ITPK1: variants seen among roughly 807,000 people sequenced by gnomAD.
ITPK1 encodes the protein inositol 1,3,4-trisphosphate 5/6-kinase.
ITPK1 carries 21 observed loss-of-function variants against 45.3 expected under a neutral mutation model. The ratio of observed to expected loss-of-function variants is 0.46; its 90% CI spans 0.33 to 0.67. The LOEUF (loss-of-function observed/expected upper bound fraction) is 0.67. Among genes scored for constraint, ITPK1 ranks in the 30% least tolerant of loss-of-function variants. The pLI is 0.02. For synonymous variants in ITPK1, 258 were observed against 253.6 expected, an observed-to-expected ratio of 1.02 and a Z score of -0.16; for missense variants, 474 against 573.5, an observed-to-expected ratio of 0.83 and a Z score of 1.77.
At position 92,971,459 on chromosome 14, in the gene ITPK1, C is replaced by T. The variant is rs867759383; in HGVS notation, c.365-8610G>A. Among the ~76,000 whole-genome samples, 9 of 152,362 alleles carry T rather than the reference C, an allele frequency of 5.9e-5. No homozygotes were observed. In the South Asian group the frequency reaches 1.7e-3, roughly 28 times the overall value. ...GCATCCAGCAGATGCTGAGGATGGG[C>T]CTCATGTTTAAACCCTGGCACTAGC... On this transcript the variant is annotated intron_variant, in intron 5 of 10. Coordinates refer to ENST00000267615, the MANE Select transcript of ITPK1 (RefSeq NM_014216.6).
chr14:92,979,976 T>C (rs1247744552), intron 5 of ITPK1, among the ~76,000 whole-genome samples: 1 of 152,106 alleles, frequency 6.6e-6, no homozygotes, highest in Non-Finnish European at 1.5e-5. Context: ...AGACGGGGTT[T>C]TCCCATGTTG....
intron 2 of ITPK1, among the ~76,000 whole-genome samples, chr14:93,086,886 A>T (rs985205554): frequency 3.9e-5 from 6 of 152,194 alleles, no homozygotes; most frequent in African/African-American, 1.4e-4. Context: ...ACCTTACTGG[A>T]GTATCTCCCT....
chr14:92,981,906 A>G (rs1886251360), intron 5 of ITPK1, among the ~76,000 whole-genome samples: 1 of 152,222 alleles, frequency 6.6e-6, no homozygotes. Flanking sequence ...CCAAAGTTGG[A>G]GTTAGTCCTG....
At chr14:93,006,963 A>T (rs1209472343) in intron 4 of ITPK1, among the ~76,000 whole-genome samples, 2 of 152,206 alleles carry the variant, frequency 1.3e-5, no homozygotes, top group Non-Finnish European at 2.9e-5. Flanking sequence ...CCCCTGACAA[A>T]TGCCACATGC....
intron 5 of ITPK1, among the ~76,000 whole-genome samples, chr14:92,974,096 G>A (rs1011773481): frequency 1.3e-5 from 2 of 152,126 alleles, no homozygotes; most frequent in African/African-American, 4.8e-5. Flanking sequence ...GTGCCTCCAG[G>A]GTACATCCCT....
chr14:93,019,124 G>A (rs1888340492), intron 3 of ITPK1, among the ~76,000 whole-genome samples: 1 of 152,210 alleles, frequency 6.6e-6, no homozygotes, highest in Admixed American at 6.5e-5. Context: ...ACAGCCTGTG[G>A]CTTCGGTGGG....
At chr14:93,039,948 C>T (rs939915956) in intron 3 of ITPK1, among the ~76,000 whole-genome samples, 9 of 152,204 alleles carry the variant, frequency 5.9e-5, no homozygotes, top group Admixed American at 4.6e-4. Context: ...GAGGGTGTCC[C>T]GCTGTGCAGG....
At position 93,016,523 on chromosome 14, in the gene ITPK1, C is replaced by T. The variant is rs56857003; in HGVS notation, c.246+153G>A. Reference sequence around the variant, plus strand: ...ACTGACGCCGCACAGAAGTACCTGCCCACGAGCCCATGTCTTGCCAGTGGC... The same window carrying T: ...ACTGACGCCGCACAGAAGTACCTGCTCACGAGCCCATGTCTTGCCAGTGGC... On this transcript the variant is annotated intron_variant, in intron 4 of 10. Transcript: ENST00000267615. The surrounding 1 kb of genome is among the most constrained non-coding windows in gnomAD (Gnocchi z 5.0). Among the ~76,000 whole-genome samples the T allele has an allele frequency of 6.6e-6, 1 of 152,048 alleles. No individual in the cohort carries two copies. The highest frequency in any genetic ancestry group is 1.5e-5 in the Non-Finnish European group (1 of 67,980).
In ITPK1 at chr14:92,941,024, C is replaced by T. The variant is rs1376656375; in HGVS notation, c.*537G>A. 8.0e-6 allele frequency: 10 copies of T among 1,248,582 alleles called. No homozygotes were observed. The highest frequency in any genetic ancestry group is 1.3e-5 in the South Asian group (1 of 74,776). 77.3% of individuals were successfully genotyped at this position (1,248,582 alleles called of 1,614,324 possible). ...TGTGGGGAGGGAGGGGTTAGCTGCA[C>T]ACCAGGCAGGGTGGGGGCTAACAAA... On this transcript the variant is annotated 3_prime_UTR_variant, in exon 11 of 11. Transcript: ENST00000267615.
rs376297023 is a variant in ITPK1, at chr14:93,043,366, G to C, written c.121-26565C>G. ...GAGGGCAGGAAATACCAGTGGGAAA[G>C]CCGAAGACAGCACAGTAGAGACTGC... On this transcript the variant is annotated intron_variant, in intron 3 of 10. Transcript: ENST00000267615. Among the ~76,000 whole-genome samples the C allele has an allele frequency of 3.9e-4, 59 of 152,368 alleles. 1 individual carries two copies. In the East Asian group the frequency reaches 9.8e-3, roughly 25 times the overall value.
intron 5 of ITPK1, among the ~76,000 whole-genome samples, chr14:92,979,836 C>T (rs138679741): frequency 0.018 from 2,725 of 150,454 alleles, 72 homozygotes; most frequent in Admixed American, 0.08. Flanking sequence ...TTTTTGGAGA[C>T]AGAGTCTCAC....
chr14:93,005,027 G>A (rs1007585145), intron 4 of ITPK1, among the ~76,000 whole-genome samples: 7 of 152,146 alleles, frequency 4.6e-5, no homozygotes, highest in Non-Finnish European at 8.8e-5. Flanking sequence ...CGGACCAGCT[G>A]AGGAGTTTGG....
chr14:92,973,243 A>T (rs901052111), intron 5 of ITPK1, among the ~76,000 whole-genome samples: 1 of 152,276 alleles, frequency 6.6e-6, no homozygotes, highest in African/African-American at 2.4e-5. Context: ...GGACAGGAGA[A>T]GGCAGGCCTC....
chr14:93,109,018 T>A (rs573262853), intron 2 of ITPK1, among the ~76,000 whole-genome samples: 1 of 152,182 alleles, frequency 6.6e-6, no homozygotes, highest in African/African-American at 2.4e-5. Flanking sequence ...GTCTCACACA[T>A]ACACACAAAA....
chr14:93,049,768 A>C, intron 3 of ITPK1, among the ~76,000 whole-genome samples: 1 of 138,926 alleles, frequency 7.2e-6, no homozygotes, highest in East Asian at 2.6e-4. Flanking sequence ...GGGGGTGGGT[A>C]AGGAAATATC....
chr14:93,094,677 C>T (rs1048351138), intron 2 of ITPK1, among the ~76,000 whole-genome samples: 16 of 152,346 alleles, frequency 1.1e-4, no homozygotes, highest in Admixed American at 6.5e-5. Flanking sequence ...ACCGGCTCCA[C>T]GTTCTTCACC....
chr14:93,046,087 T>C (rs1478411635), intron 3 of ITPK1, among the ~76,000 whole-genome samples: 3 of 152,182 alleles, frequency 2.0e-5, no homozygotes, highest in Admixed American at 2.0e-4. Flanking sequence ...CGCTCTTTTC[T>C]TCTGCAAACC....
chr14:93,081,688 G>A (rs879777347), intron 2 of ITPK1, among the ~76,000 whole-genome samples: 5 of 152,218 alleles, frequency 3.3e-5, no homozygotes, highest in Non-Finnish European at 5.9e-5. Context: ...ACTACAGACC[G>A]GTGCTGAGAA....
At chr14:93,096,894 C>T (rs754951461) in intron 2 of ITPK1, among the ~76,000 whole-genome samples, 4 of 152,226 alleles carry the variant, frequency 2.6e-5, no homozygotes, top group East Asian at 1.9e-4. Flanking sequence ...AGGACACTGA[C>T]GTCACCGAGT....
Sources: allele counts gnomAD v4.1 joint callset (sites outside exome capture counted in the v4.1 genomes callset), GRCh38; gene constraint gnomAD v4.1.1; non-coding constraint Gnocchi (gnomAD v3.1); transcripts MANE v1.5; gene names NCBI Gene and HGNC (gene_info 2026-07-23, HGNC 2026-07-21).